The following NBEA variants were observed in gnomAD, a reference collection of about 807,000 sequenced individuals.
NBEA encodes the protein neurobeachin.
In NBEA, 44 loss-of-function variants were observed where a neutral mutation model predicts 343.4. That is an observed-to-expected ratio of 0.13 (90% CI 0.10 to 0.16). The LOEUF (loss-of-function observed/expected upper bound fraction) is 0.16, where lower values mean the gene tolerates loss of function less well. Among genes scored for constraint, NBEA ranks in the 10% least tolerant of loss-of-function variants. NBEA has a pLI of 1.00. For synonymous variants in NBEA, 1,175 were observed against 1,238.7 expected (o/e 0.95, Z 1.08); for missense variants, 2,555 against 3,631.3 (o/e 0.70, Z 7.62).
chr13:35,116,197 A>C (rs2066483214), intron 13 of NBEA, among the ~76,000 whole-genome samples: 1 of 152,176 alleles, frequency 6.6e-6, no homozygotes. Flanking sequence ...TAGAAATCAG[A>C]AGTACATAAA....
intron 5 of NBEA, 61 bp downstream of exon 5, chr13:35,048,745 T>G: frequency 1.0e-6 from 1 of 956,310 alleles, no homozygotes; most frequent in Non-Finnish European, 1.6e-6. Flanking sequence ...TATAAATGTA[T>G]AGTCTCAAGG....
intron 17 of NBEA, among the ~76,000 whole-genome samples, chr13:35,133,289 A>C (rs1188761135): frequency 3.3e-5 from 5 of 152,136 alleles, no homozygotes; most frequent in Admixed American, 3.3e-4. Flanking sequence ...AGAAAATGCA[A>C]ATAAAACATG....
chr13:35,162,026 T>A, intron 23 of NBEA, 59 bp downstream of exon 23: 1 of 1,409,388 alleles, frequency 7.1e-7, no homozygotes, highest in African/African-American at 1.5e-5. Flanking sequence ...CCATTGCCTA[T>A]TCTATTTGGT....
Position 35,109,549 on chromosome 13 carries a change from A to T in NBEA, c.1833+107A>T, listed in dbSNP as rs572926240. On this transcript the variant is annotated intron_variant, in intron 12 of 58. Coordinates refer to ENST00000379939, the MANE Select transcript of NBEA (RefSeq NM_001385012.1). ...ACATTTGAACATTTTAGCTTATTTT[A>T]TAGTTAATCTGTGGCAATTGTGTTA... 18 of 1,077,230 alleles carry T rather than the reference A, an allele frequency of 1.7e-5. No homozygotes were observed. In the South Asian group the frequency reaches 4.7e-4, roughly 28 times the overall value. 66.7% of individuals were successfully genotyped at this position (1,077,230 alleles called of 1,614,324 possible). A position where few individuals can be genotyped will look rare whatever the true frequency, so the allele number is the denominator to read the frequency against.
At chr13:35,140,694 G>GTTAGAA (rs1383279292) in intron 17 of NBEA, among the ~76,000 whole-genome samples, 2 of 152,104 alleles carry the variant, frequency 1.3e-5, no homozygotes, top group Admixed American at 6.5e-5. Flanking sequence ...TGTGGCTCTT[G>GTTAGAA]GAGGCTAATG....
rs552044454 is a variant in NBEA, at chr13:35,376,555, C to G, written c.6179+24232C>G. Among the ~76,000 whole-genome samples the G allele has an allele frequency of 2.0e-5, 3 of 152,226 alleles. No homozygotes were observed. The South Asian group carries it at 6.2e-4, about 32-fold the overall frequency. ...TTTGGTGTCATGATGCCCCTTTATTCATTTTTCTTCTTTTGCTTCTTTTCA... is the reference window on the plus strand; with the variant it reads ...TTTGGTGTCATGATGCCCCTTTATTGATTTTTCTTCTTTTGCTTCTTTTCA... On this transcript the variant is annotated intron_variant, in intron 38 of 58. Transcript: ENST00000379939.
At chr13:35,025,580 G>C (rs2061991985) in intron 1 of NBEA, among the ~76,000 whole-genome samples, 1 of 152,076 alleles carries the variant, frequency 6.6e-6, no homozygotes, top group Non-Finnish European at 1.5e-5. Flanking sequence ...ACGGTTTGAA[G>C]TTGAGTAGTG....
At chr13:35,594,947 TCACACACACACA>T (rs71196581) in intron 47 of NBEA, among the ~76,000 whole-genome samples, 48 of 111,122 alleles carry the variant, frequency 4.3e-4, no homozygotes, top group Admixed American at 9.2e-4. Flanking sequence ...TTTGACATCA[TCACACACACACA>T]CACACACACA....
Position 35,045,538 on chromosome 13 carries a change from T to G in NBEA, c.723+137T>G, listed in dbSNP as rs181683952. ...AGTTTGGAAGTCATACAACCACTAC[T>G]ATATAATGATTTGAACAATTTCATC... On this transcript the variant is annotated intron_variant, in intron 4 of 58. Transcript: ENST00000379939. 7.0e-4 allele frequency: 448 copies of G among 635,870 alleles called. 4 individuals carry two copies. In the African/African-American group the frequency reaches 8.0e-3, roughly 11 times the overall value. 39.4% of individuals were successfully genotyped at this position (635,870 alleles called of 1,614,324 possible).
At position 35,474,793 on chromosome 13, in the gene NBEA, C is replaced by T. The variant is rs376970342; in HGVS notation, c.6585+2257C>T. 5.7e-5 allele frequency: 24 copies of T among 419,698 alleles called. No individual in the cohort carries two copies. In the East Asian group the frequency reaches 8.7e-4, roughly 15 times the overall value. 26.0% of individuals were successfully genotyped at this position (419,698 alleles called of 1,614,324 possible). A position where few individuals can be genotyped will look rare whatever the true frequency, so the allele number is the denominator to read the frequency against. The stretch of plus-strand genomic sequence containing the variant: ...CAGCTGGGCTGTTTACGGAGTGTTA[C>T]GGTGTACTTTTCAAGGGAGATAGGA... On this transcript the variant is annotated intron_variant, in intron 41 of 58. Coordinates refer to ENST00000379939, the MANE Select transcript of NBEA (RefSeq NM_001385012.1).
intron 34 of NBEA, among the ~76,000 whole-genome samples, chr13:35,237,033 G>A (rs1403655983): frequency 1.3e-5 from 2 of 152,076 alleles, no homozygotes. Context: ...GAAAGCAGAT[G>A]TATTGCTTGA....
chr13:35,653,386 A>G (rs952761993), intron 53 of NBEA, among the ~76,000 whole-genome samples: 6 of 137,534 alleles, frequency 4.4e-5, no homozygotes, highest in Admixed American at 1.6e-4. Context: ...GCTGGAGTGC[A>G]GTGATGCAAT....
intron 38 of NBEA, among the ~76,000 whole-genome samples, chr13:35,357,453 C>T (rs916812059): frequency 6.6e-6 from 1 of 152,012 alleles, no homozygotes; most frequent in Non-Finnish European, 1.5e-5. Context: ...TCCTCCTACC[C>T]TCCACCCTGT....
intron 31 of NBEA, among the ~76,000 whole-genome samples, chr13:35,205,405 G>C (rs192555841): frequency 6.6e-6 from 1 of 152,052 alleles, no homozygotes; most frequent in Admixed American, 6.6e-5. Flanking sequence ...GTCCTAATTT[G>C]GTATTCTGAA....
At chr13:35,126,532 A>G (rs2067140489) in intron 17 of NBEA, among the ~76,000 whole-genome samples, 1 of 152,096 alleles carries the variant, frequency 6.6e-6, no homozygotes, top group Non-Finnish European at 1.5e-5. Flanking sequence ...AGAAGATAAA[A>G]CTGAAAAAAA....
At chr13:35,540,856 T>C (rs1210899274) in intron 41 of NBEA, among the ~76,000 whole-genome samples, 1 of 152,178 alleles carries the variant, frequency 6.6e-6, no homozygotes, top group Non-Finnish European at 1.5e-5. Context: ...CAAATAATGC[T>C]CTTTTGAGTA....
chr13:34,949,258 A>C (rs140362882), intron 1 of NBEA, among the ~76,000 whole-genome samples: 7,195 of 152,248 alleles, frequency 0.047, 259 homozygotes, highest in Non-Finnish European at 0.07. Context: ...AGGGGATAAG[A>C]GTACTGGGAA....
intron 4 of NBEA, 32 bp from the exon 5 acceptor site, chr13:35,048,531 A>G: frequency 1.3e-6 from 2 of 1,586,216 alleles, no homozygotes; most frequent in Admixed American, 1.8e-5. Context: ...TCTTTAACTG[A>G]TACTTTCGTA....
chr13:35,228,230 A>G (rs2074770833), intron 33 of NBEA, among the ~76,000 whole-genome samples: 3 of 152,088 alleles, frequency 2.0e-5, no homozygotes, highest in African/African-American at 7.2e-5. Context: ...ATATTGTTTT[A>G]ATCCAATCAT....
Sources: allele counts gnomAD v4.1 joint callset (sites outside exome capture counted in the v4.1 genomes callset), GRCh38; gene constraint gnomAD v4.1.1; transcripts MANE v1.5; gene names NCBI Gene and HGNC (gene_info 2026-07-23, HGNC 2026-07-21).